ANK2: variants seen among roughly 807,000 people sequenced by gnomAD.
ANK2 encodes the protein ankyrin-2.
ANK2 carries 83 observed loss-of-function variants against 360.5 expected under a neutral mutation model. The observed-to-expected ratio is 0.23, with a 90% CI of 0.19 to 0.28. The LOEUF (loss-of-function observed/expected upper bound fraction) is 0.28, where lower values mean the gene tolerates loss of function less well. ANK2 is among the 10% of genes least tolerant of loss of function. The probability of loss-of-function intolerance (pLI) is 1.00; values close to 1 mark genes in which losing one functional copy is unlikely to be tolerated. For synonymous variants in ANK2, 1,740 were observed against 1,759.5 expected, an observed-to-expected ratio of 0.99 and a Z score of 0.28; for missense variants, 4,201 against 4,795.7, an observed-to-expected ratio of 0.88 and a Z score of 3.66.
At chr4:112,932,977 C>T (rs1016354526) in intron 2 of ANK2, among the ~76,000 whole-genome samples, 11 of 152,018 alleles carry the variant, frequency 7.2e-5, no homozygotes, top group African/African-American at 2.7e-4. Flanking sequence ...AAGAATGGAT[C>T]AGAAGTTAAG....
intron 1 of ANK2, among the ~76,000 whole-genome samples, chr4:113,073,309 T>C (rs1299875617): frequency 6.6e-6 from 1 of 152,142 alleles, no homozygotes; most frequent in African/African-American, 2.4e-5. Flanking sequence ...GGCACATAAA[T>C]ATTCCTCAGC....
At chr4:113,156,195 A>G (rs548242738) in intron 1 of ANK2, among the ~76,000 whole-genome samples, 78 of 152,312 alleles carry the variant, frequency 5.1e-4, no homozygotes, top group African/African-American at 1.8e-3. Flanking sequence ...GCTAAAAACA[A>G]TGATAATCTA....
chr4:113,165,807 T>C (rs1204749916), intron 1 of ANK2, among the ~76,000 whole-genome samples: 1 of 152,126 alleles, frequency 6.6e-6, no homozygotes, highest in Non-Finnish European at 1.5e-5. Context: ...AAGAGTATCT[T>C]ATTTCTTGAA....
intron 1 of ANK2, among the ~76,000 whole-genome samples, chr4:113,055,065 C>T (rs1181173930): frequency 6.6e-6 from 1 of 151,988 alleles, no homozygotes; most frequent in Non-Finnish European, 1.5e-5. Context: ...TTTTAACAGG[C>T]TCCCAACTCT....
intron 1 of ANK2, among the ~76,000 whole-genome samples, chr4:113,150,883 T>C (rs1042064386): frequency 3.3e-5 from 5 of 152,226 alleles, no homozygotes; most frequent in Non-Finnish European, 7.3e-5. Context: ...AACTATATAC[T>C]AGTGAAAGGC....
the ANK2 span, among the ~76,000 whole-genome samples, chr4:112,770,900 T>C: frequency 6.6e-6 from 1 of 152,144 alleles, no homozygotes; most frequent in African/African-American, 2.4e-5. Flanking sequence ...AACTACCTTA[T>C]TTATGAATAC....
intron 2 of ANK2, among the ~76,000 whole-genome samples, chr4:112,969,068 A>G (rs1561336833): frequency 6.6e-6 from 1 of 152,210 alleles, no homozygotes; most frequent in Non-Finnish European, 1.5e-5. Flanking sequence ...TAATTTTGCA[A>G]GGTAGATGTT....
chr4:113,266,729 T>C (rs1586627315), intron 14 of ANK2, among the ~76,000 whole-genome samples: 1 of 152,240 alleles, frequency 6.6e-6, no homozygotes, highest in South Asian at 2.1e-4. Context: ...AATACAAAAT[T>C]AGACTGCTAT....
intron 4 of ANK2, among the ~76,000 whole-genome samples, chr4:113,212,082 G>A (rs75054219): frequency 0.028 from 4,246 of 152,248 alleles, 100 homozygotes; most frequent in East Asian, 0.067. Context: ...TTGCATAGAT[G>A]TCAGGCATTG....
chr4:112,960,262 G>A (rs2034060911), intron 2 of ANK2, among the ~76,000 whole-genome samples: 1 of 152,038 alleles, frequency 6.6e-6, no homozygotes, highest in Admixed American at 6.6e-5. Context: ...TTCTTTTGGG[G>A]TCTGGTTGTC....
chr4:113,253,259 C>T (rs115027057), intron 10 of ANK2, among the ~76,000 whole-genome samples: 1 of 152,178 alleles, frequency 6.6e-6, no homozygotes, highest in Non-Finnish European at 1.5e-5. Context: ...TTCTCAGTCT[C>T]CTTTACTAGT....
At chr4:112,784,850 C>T in the ANK2 span, among the ~76,000 whole-genome samples, 1 of 152,172 alleles carries the variant, frequency 6.6e-6, no homozygotes. Flanking sequence ...GTGGTGCACA[C>T]TAATTCTCAT....
the ANK2 span, among the ~76,000 whole-genome samples, chr4:112,796,230 C>T: frequency 1.3e-5 from 2 of 152,038 alleles, no homozygotes; most frequent in African/African-American, 2.4e-5. Flanking sequence ...TCAAGATCAG[C>T]CTGACCAACA....
chr4:113,318,222 T>G (rs1234090146), intron 25 of ANK2, among the ~76,000 whole-genome samples: 1 of 152,258 alleles, frequency 6.6e-6, no homozygotes, highest in Non-Finnish European at 1.5e-5. Flanking sequence ...TGGAATATTT[T>G]AATTTTAGTT....
At chr4:112,775,486 T>C in the ANK2 span, among the ~76,000 whole-genome samples, 2 of 116,956 alleles carry the variant, frequency 1.7e-5, no homozygotes, top group African/African-American at 3.0e-5. Context: ...GCCGCCGCAC[T>C]CCAGCCTGGG....
chr4:113,205,635 T>G (rs17045752), intron 4 of ANK2, among the ~76,000 whole-genome samples: 7,465 of 152,278 alleles, frequency 0.049, 229 homozygotes, highest in African/African-American at 0.08. Context: ...GACTATTAAT[T>G]CCAGTTGTAA....
the ANK2 span, among the ~76,000 whole-genome samples, chr4:112,747,789 T>A: frequency 6.6e-6 from 1 of 152,082 alleles, no homozygotes; most frequent in East Asian, 1.9e-4. Flanking sequence ...ACTTTAACCC[T>A]CCAGTCTCCT....
chr4:113,261,588 A>C, intron 13 of ANK2, among the ~76,000 whole-genome samples: 1 of 152,272 alleles, frequency 6.6e-6, no homozygotes, highest in African/African-American at 2.4e-5. Context: ...AAACAATGGT[A>C]ATATTAACAT....
chr4:113,344,045 T>C (rs1278251653), intron 34 of ANK2, among the ~76,000 whole-genome samples: 3 of 152,208 alleles, frequency 2.0e-5, no homozygotes, highest in Admixed American at 1.3e-4. Flanking sequence ...TGAGTCTCTT[T>C]CATTGTGCCA....
Sources: allele counts gnomAD v4.1 joint callset (sites outside exome capture counted in the v4.1 genomes callset), GRCh38; gene constraint gnomAD v4.1.1; transcripts MANE v1.5; gene names NCBI Gene and HGNC (gene_info 2026-07-23, HGNC 2026-07-21).